SDC2: variants seen among roughly 807,000 people sequenced by gnomAD.
The protein encoded by SDC2 is syndecan-2.
A neutral mutation model predicts 22.2 loss-of-function variants in SDC2; 13 were observed. That is an observed-to-expected ratio of 0.59 (90% CI 0.38 to 0.93). The LOEUF is 0.93. Among genes scored for constraint, SDC2 ranks in the 40% least tolerant of loss-of-function variants. The pLI, the probability that SDC2 is intolerant of heterozygous loss-of-function variation, is 0.00. For missense variants in SDC2, 235 were observed against 246.8 expected (o/e 0.95, Z 0.32); for synonymous variants, 94 against 92.8 (o/e 1.01, Z -0.07).
intron 1 of SDC2, among the ~76,000 whole-genome samples, chr8:96,564,837 A>T (rs530962900): frequency 9.2e-5 from 14 of 152,012 alleles, no homozygotes; most frequent in Non-Finnish European, 1.3e-4. Context: ...CACCCTGCCC[A>T]CCGTTTTGGG....
At chr8:96,549,606 T>C (rs1195728605) in intron 1 of SDC2, among the ~76,000 whole-genome samples, 1 of 152,184 alleles carries the variant, frequency 6.6e-6, no homozygotes, top group African/African-American at 2.4e-5. Flanking sequence ...TTTGTCTTCA[T>C]TTAGAGTAAG....
chr8:96,552,344 T>A (rs1259125592), intron 1 of SDC2, among the ~76,000 whole-genome samples: 1 of 152,226 alleles, frequency 6.6e-6, no homozygotes, highest in South Asian at 2.1e-4. Flanking sequence ...TTGAATTATA[T>A]CCCATGTTAT....
chr8:96,529,819 G>A (rs1425216999), intron 1 of SDC2, among the ~76,000 whole-genome samples: 1 of 147,888 alleles, frequency 6.8e-6, no homozygotes, highest in East Asian at 2.0e-4. Context: ...CTCAATCCCT[G>A]GTGTGTATAT....
Position 96,494,341 on chromosome 8 carries a change from C to A in SDC2, c.60+10C>A. ...CGTGTCGGCGGAGTCGGTGAGTGGG[C>A]CAGGCGGAGGATGCGCGCGCCGTTT... On this transcript the variant is annotated intron_variant, in intron 1 of 4. Transcript: ENST00000302190. 1 of 1,539,616 alleles carries A rather than the reference C, an allele frequency of 6.5e-7. No individual in the cohort carries two copies. Among genetic ancestry groups the A allele is most frequent in the Non-Finnish European group, 8.7e-7 (1 of 1,147,368 alleles).
intron 1 of SDC2, among the ~76,000 whole-genome samples, chr8:96,536,480 C>A (rs973881170): frequency 6.6e-6 from 1 of 152,144 alleles, no homozygotes; most frequent in Non-Finnish European, 1.5e-5. Context: ...TGCCACCATG[C>A]CTGGCTAATT....
chr8:96,528,270 T>G (rs1586281494), intron 1 of SDC2, among the ~76,000 whole-genome samples: 1 of 152,030 alleles, frequency 6.6e-6, no homozygotes, highest in African/African-American at 2.4e-5. Flanking sequence ...AGAAAGAGGA[T>G]TTTTTTTAAG....
chr8:96,533,015 T>C (rs1481724665), intron 1 of SDC2, among the ~76,000 whole-genome samples: 2 of 152,210 alleles, frequency 1.3e-5, no homozygotes, highest in Non-Finnish European at 2.9e-5. Context: ...GTTGTAGTTC[T>C]TAAAGGCAGC....
rs763176339 is a variant in SDC2 at position 96,493,909 on chromosome 8, C to T, written c.-363C>T. 7 of 267,142 alleles carry T rather than the reference C, an allele frequency of 2.6e-5. No homozygotes were observed. The highest frequency in any genetic ancestry group is 4.9e-5 in the Non-Finnish European group (7 of 142,140). 16.5% of individuals were successfully genotyped at this position (267,142 alleles called of 1,614,324 possible). On this transcript the variant is annotated 5_prime_UTR_variant, in exon 1 of 5. Coordinates refer to ENST00000302190, the MANE Select transcript of SDC2 (RefSeq NM_002998.4). ...TCCCTTTCAAGCCAGCGAATTTATT[C>T]CTTAAAACCAGAAACTGAACCTCGG...
At chr8:96,601,663 A>G (rs992819015) in intron 2 of SDC2, among the ~76,000 whole-genome samples, 14 of 151,416 alleles carry the variant, frequency 9.2e-5, no homozygotes, top group Non-Finnish European at 1.5e-4. Flanking sequence ...AAAAAAAGAA[A>G]CAAAACAAAA....
intron 1 of SDC2, among the ~76,000 whole-genome samples, chr8:96,502,763 C>T (rs147861736): frequency 5.3e-5 from 8 of 152,308 alleles, no homozygotes; most frequent in African/African-American, 1.9e-4. Flanking sequence ...GTTTTCTCAT[C>T]TGTAAAACTG....
intron 1 of SDC2, among the ~76,000 whole-genome samples, chr8:96,549,463 T>G (rs1242286538): frequency 6.6e-6 from 1 of 152,178 alleles, no homozygotes; most frequent in Non-Finnish European, 1.5e-5. Context: ...AACTGTCCAG[T>G]GACTGCTGCA....
intron 3 of SDC2, among the ~76,000 whole-genome samples, chr8:96,604,792 A>C (rs1233147988): frequency 6.6e-6 from 1 of 152,144 alleles, no homozygotes; most frequent in Non-Finnish European, 1.5e-5. Context: ...GCAGATCTTT[A>C]CTTGGCCTCA....
intron 1 of SDC2, among the ~76,000 whole-genome samples, chr8:96,502,686 A>G (rs1184899880): frequency 2.0e-5 from 3 of 152,168 alleles, no homozygotes; most frequent in Non-Finnish European, 4.4e-5. Flanking sequence ...AGACTATGGT[A>G]GTGTTGCCTG....
At chr8:96,500,411 C>A (rs566280244) in intron 1 of SDC2, among the ~76,000 whole-genome samples, 1 of 151,892 alleles carries the variant, frequency 6.6e-6, no homozygotes, top group Non-Finnish European at 1.5e-5. Flanking sequence ...CCTGTAATCC[C>A]AGCACTTTGG....
intron 1 of SDC2, among the ~76,000 whole-genome samples, chr8:96,545,117 T>C (rs2130522394): frequency 6.6e-6 from 1 of 152,350 alleles, no homozygotes; most frequent in Middle Eastern, 3.4e-3. Context: ...GCTCTTATTG[T>C]CATTGCATTA....
At chr8:96,558,319 C>T (rs1369938847) in intron 1 of SDC2, among the ~76,000 whole-genome samples, 1 of 151,970 alleles carries the variant, frequency 6.6e-6, no homozygotes, top group African/African-American at 2.4e-5. Flanking sequence ...AATGATTAAG[C>T]AGAGGAGTTG....
intron 1 of SDC2, among the ~76,000 whole-genome samples, chr8:96,580,940 G>A (rs1314013016): frequency 6.6e-6 from 1 of 152,114 alleles, no homozygotes; most frequent in Non-Finnish European, 1.5e-5. Flanking sequence ...TCCCACAGGG[G>A]CCTCTGTAGT....
chr8:96,546,022 A>C (rs1813926412), intron 1 of SDC2, among the ~76,000 whole-genome samples: 1 of 152,244 alleles, frequency 6.6e-6, no homozygotes, highest in South Asian at 2.1e-4. Context: ...ATTTATTCTC[A>C]GAAGAAGGTA....
intron 1 of SDC2, among the ~76,000 whole-genome samples, chr8:96,546,418 T>C (rs993124849): frequency 6.6e-6 from 1 of 152,158 alleles, no homozygotes; most frequent in African/African-American, 2.4e-5. Context: ...TCCTCTCTTT[T>C]TTAAAAACCC....
Sources: allele counts gnomAD v4.1 joint callset (sites outside exome capture counted in the v4.1 genomes callset), GRCh38; gene constraint gnomAD v4.1.1; transcripts MANE v1.5; gene names NCBI Gene and HGNC (gene_info 2026-07-23, HGNC 2026-07-21).